The following FAM13C variants were observed in gnomAD, a reference collection of about 807,000 sequenced individuals.
The protein encoded by FAM13C is protein FAM13C.
In FAM13C, 37 loss-of-function variants were observed where a neutral mutation model predicts 73.2. That is an observed-to-expected ratio of 0.51 (90% CI 0.39 to 0.67). FAM13C has a LOEUF of 0.67. Ranked by LOEUF, FAM13C falls within the 30% of genes least tolerant of loss-of-function variation. FAM13C has a pLI of 0.00. For missense variants in FAM13C, 589 were observed against 715.6 expected, an observed-to-expected ratio of 0.82 and a Z score of 2.02; for synonymous variants, 246 against 260.9, an observed-to-expected ratio of 0.94 and a Z score of 0.55.
chr10:59,360,421 A>G (rs1306677536), intron 1 of FAM13C, among the ~76,000 whole-genome samples: 1 of 152,122 alleles, frequency 6.6e-6, no homozygotes. Context: ...TATCCAGAAC[A>G]TAGAGGGGAG....
intron 6 of FAM13C, among the ~76,000 whole-genome samples, chr10:59,280,891 T>C (rs577575677): frequency 6.6e-6 from 1 of 152,330 alleles, no homozygotes; most frequent in Non-Finnish European, 1.5e-5. Flanking sequence ...GAATTTATCC[T>C]TTGAATGTTT....
At position 59,246,817 on chromosome 10, in the gene FAM13C, T is replaced by A. The variant is rs74151014; in HGVS notation, c.*797A>T. On this transcript the variant is annotated 3_prime_UTR_variant, in exon 14 of 14. Transcript: ENST00000618804. ...ATCATCTTATAGTAAACCAAAAGATTAGCAATAATACTATGGACACATTAG... is the reference window on the plus strand; with the variant it reads ...ATCATCTTATAGTAAACCAAAAGATAAGCAATAATACTATGGACACATTAG... The A allele has an allele frequency of 1.8e-3, 687 of 388,730 alleles. 7 individuals are homozygous for A. Among genetic ancestry groups the A allele is most frequent in the African/African-American group, 0.013 (616 of 48,546 alleles). The allele number at this position is 388,730 out of a possible 1,614,324, so 24.1% of individuals were successfully genotyped here. A position where few individuals can be genotyped will look rare whatever the true frequency, so the allele number is the denominator to read the frequency against.
chr10:59,301,593 CTT>C (rs1847606408), intron 5 of FAM13C, among the ~76,000 whole-genome samples: 1 of 151,964 alleles, frequency 6.6e-6, no homozygotes, highest in Non-Finnish European at 1.5e-5. Context: ...TGAGTTGACT[CTT>C]ACAATCACCT....
chr10:59,250,308 A>G (rs570324858), intron 13 of FAM13C, among the ~76,000 whole-genome samples: 9 of 152,326 alleles, frequency 5.9e-5, no homozygotes, highest in Non-Finnish European at 1.2e-4. Flanking sequence ...ATAAAAGAAA[A>G]AAGTATGGAA....
intron 3 of FAM13C, among the ~76,000 whole-genome samples, chr10:59,327,024 C>A (rs1382351029): frequency 6.6e-6 from 1 of 152,104 alleles, no homozygotes; most frequent in African/African-American, 2.4e-5. Flanking sequence ...ACATTAAATG[C>A]ATCCATCAAT....
At chr10:59,296,200 T>C (rs1414956797) in intron 5 of FAM13C, among the ~76,000 whole-genome samples, 2 of 152,188 alleles carry the variant, frequency 1.3e-5, no homozygotes, top group African/African-American at 2.4e-5. Context: ...AAGTACCATC[T>C]TGAGGCTTGA....
At chr10:59,352,593 A>T in intron 2 of FAM13C, 119 bp from the exon 3 acceptor site, 1 of 1,064,432 alleles carries the variant, frequency 9.4e-7, no homozygotes, top group Non-Finnish European at 1.3e-6. Flanking sequence ...ACCTCGCAAA[A>T]TTTTTAGCCT....
intron 4 of FAM13C, 75 bp from the exon 5 acceptor site, chr10:59,302,939 C>A: frequency 2.9e-6 from 4 of 1,375,648 alleles, no homozygotes; most frequent in Non-Finnish European, 4.1e-6. Flanking sequence ...CTGGTGGCTA[C>A]AAATCTGGCT....
At position 59,302,916 on chromosome 10, in the gene FAM13C, T is replaced by C. The variant is rs376717171; in HGVS notation, c.444-52A>G. On this transcript the variant is annotated intron_variant, in intron 4 of 13. Transcript: ENST00000618804. The stretch of plus-strand genomic sequence containing the variant: ...CCATTTAAAAGAAACGTTTCAGTGA[T>C]GTACATGTGAAGCTGGTGGCTACAA... The C allele has an allele frequency of 8.4e-6, 13 of 1,546,976 alleles. No individual in the cohort carries two copies. The African/African-American group carries it at 9.5e-5, about 11-fold the overall frequency.
chr10:59,263,353 T>C (rs767470870), intron 9 of FAM13C, among the ~76,000 whole-genome samples: 1 of 152,218 alleles, frequency 6.6e-6, no homozygotes, highest in Non-Finnish European at 1.5e-5. Context: ...GTTTGTTTCC[T>C]AGTTAGACTT....
chr10:59,351,177 C>G (rs1854984918), intron 3 of FAM13C, among the ~76,000 whole-genome samples: 2 of 151,734 alleles, frequency 1.3e-5, no homozygotes, highest in African/African-American at 4.8e-5. Flanking sequence ...AAAGAAAATA[C>G]AAAAATTAGC....
intron 1 of FAM13C, 49 bp from the exon 2 acceptor site, chr10:59,355,992 G>A (rs770111951): frequency 7.9e-6 from 12 of 1,514,786 alleles, no homozygotes; most frequent in Non-Finnish European, 1.1e-5. Context: ...GTCTGCTATA[G>A]CAGTAGTAGC....
chr10:59,303,377 C>T (rs1391398866), intron 4 of FAM13C, among the ~76,000 whole-genome samples: 2 of 152,162 alleles, frequency 1.3e-5, no homozygotes, highest in Non-Finnish European at 2.9e-5. Flanking sequence ...CATTTATTTG[C>T]ATGTCCACAG....
Position 59,247,749 on chromosome 10 carries a change from A to G in FAM13C, c.1635-12T>C. 1.2e-6 allele frequency: 2 copies of G among 1,606,398 alleles called. No homozygotes were observed. The highest frequency in any genetic ancestry group is 1.7e-4 in the Middle Eastern group (1 of 6,044). ...CCTTTTGTGGACTTCTGCAAAACAAAAATACATTTGTTAGTTCACAATGAA... is the reference window on the plus strand; with the variant it reads ...CCTTTTGTGGACTTCTGCAAAACAAGAATACATTTGTTAGTTCACAATGAA... On this transcript the variant is annotated splice_polypyrimidine_tract_variant and intron_variant, in intron 13 of 13. Transcript: ENST00000618804.
chr10:59,360,899 C>G, intron 1 of FAM13C: 1 of 388,864 alleles, frequency 2.6e-6, no homozygotes, highest in Non-Finnish European at 4.7e-6. Context: ...AAATCTGGAG[C>G]TAAGTGTCTC....
chr10:59,297,038 T>C (rs1044316222), intron 5 of FAM13C: 1 of 152,242 alleles, frequency 6.6e-6, no homozygotes, highest in Non-Finnish European at 1.5e-5. Context: ...GCTATTATCC[T>C]CTCACTCTAA....
chr10:59,256,973 ATT>A (rs977793365), intron 10 of FAM13C, among the ~76,000 whole-genome samples: 2 of 151,834 alleles, frequency 1.3e-5, no homozygotes, highest in African/African-American at 4.8e-5. Flanking sequence ...CTATTTTTTC[ATT>A]TTTGTTTTAT....
chr10:59,305,146 G>A (rs1390485469), intron 4 of FAM13C, among the ~76,000 whole-genome samples: 3 of 152,200 alleles, frequency 2.0e-5, no homozygotes, highest in African/African-American at 4.8e-5. Context: ...GACACATGGC[G>A]AAGCTGGGTT....
chr10:59,309,510 C>T (rs1466589286), intron 4 of FAM13C, among the ~76,000 whole-genome samples: 7 of 152,150 alleles, frequency 4.6e-5, no homozygotes, highest in Non-Finnish European at 7.3e-5. Context: ...GCATTCTTTC[C>T]GTTTTGTGGA....
Sources: gnomAD v4.1 joint callset for allele counts (sites outside exome capture counted in the v4.1 genomes callset) on GRCh38, gnomAD v4.1.1 for gene constraint, MANE v1.5 for transcripts, NCBI Gene and HGNC (gene_info 2026-07-23, HGNC 2026-07-21) for gene names.